The following ST18 variants were observed in gnomAD, a reference collection of about 807,000 sequenced individuals.
ST18 encodes ST18 C2H2C-type zinc finger transcription factor.
ST18 carries 50 observed loss-of-function variants against 110.0 expected under a neutral mutation model. The ratio of observed to expected loss-of-function variants is 0.45; its 90% CI spans 0.36 to 0.58. The LOEUF (loss-of-function observed/expected upper bound fraction) is 0.58, where lower values mean the gene tolerates loss of function less well. Among genes scored for constraint, ST18 ranks in the 20% least tolerant of loss-of-function variants. The pLI is 0.00. For missense variants in ST18, 1,306 were observed against 1,280.1 expected (o/e 1.02, Z -0.31); for synonymous variants, 461 against 452.4 (o/e 1.02, Z -0.24).
chr8:52,192,368 A>G (rs991288978), intron 8 of ST18, among the ~76,000 whole-genome samples: 1 of 152,162 alleles, frequency 6.6e-6, no homozygotes, highest in African/African-American at 2.4e-5. Flanking sequence ...GACCATATCT[A>G]CCTGAGGTCA....
In ST18 at chr8:52,172,040, G is replaced by A; in HGVS notation, c.821C>T (p.Ser274Leu). Residue 274 changes from serine to leucine, a missense_variant, in exon 10 of 26, where the codon TCA (serine) becomes TTA (leucine). Physicochemically the swap from Ser to Leu is moderately radical, Grantham distance 145 (BLOSUM62 -2). Transcript: ENST00000689386. Reference sequence around the variant, plus strand: ...ATCTTCCTCCTCAACGTCAGGGAATGAGGGCTGGGCATTGCCATCCAGGGG... The same window carrying A: ...ATCTTCCTCCTCAACGTCAGGGAATAAGGGCTGGGCATTGCCATCCAGGGG... ...AEPLDGNAQP[S>L]FPDVEEEDSE... 6.2e-7 allele frequency: 1 copy of A among 1,614,218 alleles called. No individual in the cohort carries two copies. Among genetic ancestry groups the A allele is most frequent in the East Asian group, 2.2e-5 (1 of 44,880 alleles).
chr8:52,188,992 A>C (rs2073460212), intron 8 of ST18, among the ~76,000 whole-genome samples: 1 of 152,226 alleles, frequency 6.6e-6, no homozygotes, highest in South Asian at 2.1e-4. Flanking sequence ...ATATGGTGAC[A>C]GAATCTGGAC....
At chr8:52,377,836 A>G (rs1025695237) in intron 2 of ST18, among the ~76,000 whole-genome samples, 4 of 152,174 alleles carry the variant, frequency 2.6e-5, no homozygotes, top group African/African-American at 7.2e-5. Flanking sequence ...AATAGCAAAG[A>G]CTAGGAAGCA....
At chr8:52,237,052 A>G (rs1589085445) in intron 2 of ST18, among the ~76,000 whole-genome samples, 2 of 152,326 alleles carry the variant, frequency 1.3e-5, no homozygotes, top group South Asian at 4.1e-4. Context: ...CAGGTTCCTC[A>G]TCTGTTAAAA....
At position 52,158,656 on chromosome 8, in the gene ST18, CAAA is replaced by C. The variant is rs1277925822; in HGVS notation, c.1806+239_1806+241del. Among the ~76,000 whole-genome samples the C allele has an allele frequency of 2.6e-5, 4 of 152,268 alleles. No homozygotes were observed. In the East Asian group the frequency reaches 7.7e-4, roughly 29 times the overall value. ...CCCATCTCTGTAACTCACTTCTCCC[CAAA>C]CTTTGGTACCCCAACTTCAAGAGGA... On this transcript the variant is annotated intron_variant, in intron 15 of 25. Transcript: ENST00000689386.
At chr8:52,288,218 T>C (rs2095499861) in intron 2 of ST18, among the ~76,000 whole-genome samples, 2 of 152,130 alleles carry the variant, frequency 1.3e-5, no homozygotes, top group Non-Finnish European at 2.9e-5. Context: ...CAGAAGCCAC[T>C]CACGTCCACT....
intron 2 of ST18, among the ~76,000 whole-genome samples, chr8:52,318,657 C>T (rs998565535): frequency 6.6e-6 from 1 of 151,998 alleles, no homozygotes; most frequent in African/African-American, 2.4e-5. Context: ...AAATGCCCAT[C>T]AATGATAAGA....
chr8:52,138,750 G>A (rs142365208), intron 17 of ST18, among the ~76,000 whole-genome samples: 6 of 152,208 alleles, frequency 3.9e-5, no homozygotes, highest in African/African-American at 7.2e-5. Context: ...TGTTATTTGC[G>A]GTGGTGTCAG....
chr8:52,290,984 A>T (rs542954073), intron 2 of ST18, among the ~76,000 whole-genome samples: 2 of 152,204 alleles, frequency 1.3e-5, no homozygotes, highest in African/African-American at 4.8e-5. Flanking sequence ...CTTAAAAAGC[A>T]TCTCCCTGTG....
intron 15 of ST18, chr8:52,154,880 A>G (rs978262466): frequency 2.9e-5 from 4 of 137,754 alleles, no homozygotes; most frequent in African/African-American, 1.0e-4. Context: ...ATCCTCTCAG[A>G]AAAAAAAAAA....
intron 2 of ST18, among the ~76,000 whole-genome samples, chr8:52,388,803 C>A (rs12679286): frequency 1.7e-5 from 2 of 116,848 alleles, no homozygotes; most frequent in Non-Finnish European, 1.7e-5. Context: ...CATCACACTC[C>A]GGGGACTGTT....
intron 18 of ST18, 74 bp from the exon 19 acceptor site, chr8:52,136,732 C>T (rs959065824): frequency 2.7e-5 from 33 of 1,232,606 alleles, no homozygotes; most frequent in Non-Finnish European, 3.2e-5. Flanking sequence ...CATCCTGAGT[C>T]GTGAACATAC....
intron 2 of ST18, among the ~76,000 whole-genome samples, chr8:52,280,940 T>C (rs575061840): frequency 6.6e-6 from 1 of 152,156 alleles, no homozygotes; most frequent in South Asian, 2.1e-4. Flanking sequence ...AAAATGATGA[T>C]ATACTAGAAA....
chr8:52,369,322 A>T (rs1180681109), intron 2 of ST18, among the ~76,000 whole-genome samples: 1 of 152,178 alleles, frequency 6.6e-6, no homozygotes, highest in Non-Finnish European at 1.5e-5. Context: ...AGTGCTGGCC[A>T]AAGGGAAAAG....
chr8:52,250,961 T>G lies in ST18; in HGVS notation c.-464-20884A>C, dbSNP rs373360715. Among the ~76,000 whole-genome samples, 187 of 152,294 alleles carry G rather than the reference T, an allele frequency of 1.2e-3. No homozygotes were observed. The Middle Eastern group carries it at 0.02, about 17-fold the overall frequency. On this transcript the variant is annotated intron_variant, in intron 2 of 25. Transcript: ENST00000689386. Reference sequence around the variant, plus strand: ...ACTCTTGGTATTAAACCCCCATTATTTTTATGTAAAGATACTAAAAAGTCC... The same window carrying G: ...ACTCTTGGTATTAAACCCCCATTATGTTTATGTAAAGATACTAAAAAGTCC...
chr8:52,231,902 G>A (rs1189087625), intron 2 of ST18, among the ~76,000 whole-genome samples: 1 of 152,220 alleles, frequency 6.6e-6, no homozygotes, highest in Non-Finnish European at 1.5e-5. Context: ...TGGAACATCA[G>A]TGACATCAGA....
In ST18 at chr8:52,180,305, A is replaced by T. The variant is rs1331511443; in HGVS notation, c.94T>A (p.Tyr32Asn). The T allele has an allele frequency of 6.2e-7, 1 of 1,614,060 alleles. No individual in the cohort carries two copies. Among genetic ancestry groups the T allele is most frequent in the Non-Finnish European group, 8.5e-7 (1 of 1,179,996 alleles). ...CTCTTCTTTGCCATGGAGCAATCAT[A>T]GGCAACACTGTAGTGATTGAGGAAA... ...DSLIQELSVA[Y>N]DCSMAKKRTA... The change falls in exon 9 of 26, where the codon TAT becomes AAT. Residue 32 changes from tyrosine to asparagine, a missense_variant. Transcript: ENST00000689386.
chr8:52,322,805 A>G (rs1804576604), intron 2 of ST18, among the ~76,000 whole-genome samples: 1 of 152,264 alleles, frequency 6.6e-6, no homozygotes, highest in Non-Finnish European at 1.5e-5. Flanking sequence ...AAGTGAAGTC[A>G]TAATCCCAGG....
chr8:52,227,679 A>G (rs2136713780), intron 3 of ST18, among the ~76,000 whole-genome samples: 1 of 152,350 alleles, frequency 6.6e-6, no homozygotes, highest in Admixed American at 6.5e-5. Flanking sequence ...TACGTTTCAA[A>G]GGAACTTTTT....
Sources: allele counts gnomAD v4.1 joint callset (sites outside exome capture counted in the v4.1 genomes callset), GRCh38; gene constraint gnomAD v4.1.1; transcripts MANE v1.5; gene names NCBI Gene and HGNC (gene_info 2026-07-23, HGNC 2026-07-21).